MAPK10: variants seen among roughly 807,000 people sequenced by gnomAD.
MAPK10 encodes mitogen-activated protein kinase 10.
MAPK10 carries 25 observed loss-of-function variants against 59.3 expected under a neutral mutation model. The ratio of observed to expected loss-of-function variants is 0.42; its 90% CI spans 0.31 to 0.59. The LOEUF is 0.59. Ranked by LOEUF, MAPK10 falls within the 20% of genes least tolerant of loss-of-function variation. The pLI, the probability that MAPK10 is intolerant of heterozygous loss-of-function variation, is 0.15. For synonymous variants in MAPK10, 190 were observed against 200.5 expected (o/e 0.95, Z 0.44); for missense variants, 351 against 568.9 (o/e 0.62, Z 3.90).
At chr4:86,438,759 G>A (rs1749074454) in intron 1 of MAPK10, among the ~76,000 whole-genome samples, 1 of 151,796 alleles carries the variant, frequency 6.6e-6, no homozygotes, top group Admixed American at 6.6e-5. Context: ...GAGGGGGCCA[G>A]TAAGACTGAG....
At chr4:86,391,876 G>T (rs1261417019) in intron 1 of MAPK10, among the ~76,000 whole-genome samples, 1 of 152,134 alleles carries the variant, frequency 6.6e-6, no homozygotes, top group Non-Finnish European at 1.5e-5. Flanking sequence ...ATTGCTTCAA[G>T]TAAAATTATC....
chr4:86,133,479 A>G (rs986969337), intron 4 of MAPK10, among the ~76,000 whole-genome samples: 5 of 152,238 alleles, frequency 3.3e-5, no homozygotes, highest in African/African-American at 1.2e-4. Context: ...ATGTGCAATC[A>G]TAATACAAAT....
intron 1 of MAPK10, among the ~76,000 whole-genome samples, chr4:86,574,500 G>A (rs934270776): frequency 1.3e-5 from 2 of 151,744 alleles, no homozygotes; most frequent in East Asian, 1.9e-4. Context: ...CACAATGGCT[G>A]AACTAGTTTA....
At position 86,564,579 on chromosome 4, in the gene MAPK10, GCA is replaced by G. The variant is rs563319732; in HGVS notation, c.-263+29329_-263+29330del. ...TTTATTTGCCTATGAATGGAGACATGCACAGACACCACCAAATGAATCCAATT... is the reference window on the plus strand; with the variant it reads ...TTTATTTGCCTATGAATGGAGACATGCAGACACCACCAAATGAATCCAATT... On this transcript the variant is annotated intron_variant, in intron 1 of 4. Coordinates refer to the MAPK10 transcript ENST00000502302. Among the ~76,000 whole-genome samples the G allele has an allele frequency of 1.5e-3, 232 of 152,268 alleles. 4 individuals are homozygous for G. Among genetic ancestry groups the G allele is most frequent in the African/African-American group, 5.2e-3 (215 of 41,550 alleles).
At chr4:86,542,296 T>C (rs137982781) in intron 1 of MAPK10, among the ~76,000 whole-genome samples, 1 of 152,300 alleles carries the variant, frequency 6.6e-6, no homozygotes, top group East Asian at 1.9e-4. Flanking sequence ...CAAAGAATAC[T>C]AGGCCAGGAG....
chr4:86,154,243 T>C (rs1232144071), intron 4 of MAPK10, among the ~76,000 whole-genome samples: 5 of 152,102 alleles, frequency 3.3e-5, no homozygotes, highest in Non-Finnish European at 5.9e-5. Context: ...GATGCTCCCA[T>C]CCATATTCTG....
intron 1 of MAPK10, among the ~76,000 whole-genome samples, chr4:86,555,288 A>C (rs1030517324): frequency 6.6e-6 from 1 of 151,974 alleles, no homozygotes; most frequent in Non-Finnish European, 1.5e-5. Context: ...TCTACTAAAA[A>C]CTCAAAAATT....
intron 1 of MAPK10, among the ~76,000 whole-genome samples, chr4:86,405,627 T>C (rs1331013956): frequency 6.6e-6 from 1 of 152,180 alleles, no homozygotes; most frequent in African/African-American, 2.4e-5. Flanking sequence ...TTTTAACACA[T>C]ATCATATATA....
chr4:86,364,327 C>T (rs904133236), upstream of MAPK10, among the ~76,000 whole-genome samples: 4 of 152,006 alleles, frequency 2.6e-5, no homozygotes, highest in Non-Finnish European at 5.9e-5. Context: ...CAGGGTTTCA[C>T]CATGTTGCCC....
chr4:86,214,865 C>G (rs558839621), intron 2 of MAPK10, among the ~76,000 whole-genome samples: 137 of 152,176 alleles, frequency 9.0e-4, no homozygotes, highest in Admixed American at 2.7e-3. Flanking sequence ...AAACTCAATG[C>G]AATCCTTATC....
chr4:86,314,609 C>T (rs1367925163), intron 2 of MAPK10, among the ~76,000 whole-genome samples: 2 of 152,016 alleles, frequency 1.3e-5, no homozygotes, highest in Non-Finnish European at 2.9e-5. Context: ...GAAAATGGAC[C>T]AACCCGATAG....
chr4:86,290,819 G>A (rs2095200060), intron 2 of MAPK10, among the ~76,000 whole-genome samples: 1 of 152,026 alleles, frequency 6.6e-6, no homozygotes, highest in Non-Finnish European at 1.5e-5. Context: ...CTTACCTCTG[G>A]CCATAGACTT....
intron 1 of MAPK10, among the ~76,000 whole-genome samples, chr4:86,588,322 T>A (rs1171031562): frequency 1.3e-5 from 2 of 152,218 alleles, no homozygotes; most frequent in African/African-American, 4.8e-5. Context: ...CAATAAATGA[T>A]GTGGATCTTT....
intron 1 of MAPK10, among the ~76,000 whole-genome samples, chr4:86,438,059 G>C (rs1026188098): frequency 2.0e-5 from 3 of 152,120 alleles, no homozygotes; most frequent in African/African-American, 7.2e-5. Context: ...TATAATGCTA[G>C]GAATTCAGGG....
intron 6 of MAPK10, 176 bp downstream of exon 6, chr4:86,103,010 C>A: frequency 2.0e-6 from 1 of 511,110 alleles, no homozygotes; most frequent in Non-Finnish European, 3.5e-6. Context: ...CTTTACATAT[C>A]ACTGGACCCC....
At chr4:86,309,371 C>T (rs1422109843) in intron 2 of MAPK10, among the ~76,000 whole-genome samples, 2 of 152,132 alleles carry the variant, frequency 1.3e-5, no homozygotes, top group African/African-American at 2.4e-5. Context: ...ATCTTCTTGA[C>T]CTCTCTGTGC....
At position 86,098,372 on chromosome 4, in the gene MAPK10, G is replaced by A. The variant is rs981557915; in HGVS notation, c.802+152C>T. ...ATTGTGGTAGGCAGTCTTCAGTACT[G>A]GTCAGATTATAGAAATTATCACTTT... On this transcript the variant is annotated intron_variant, in intron 9 of 13. Coordinates refer to ENST00000641462, the MANE Select transcript of MAPK10 (RefSeq NM_138982.4). 1.5e-5 allele frequency: 17 copies of A among 1,151,130 alleles called. No homozygotes were observed. In the African/African-American group the frequency reaches 2.5e-4, roughly 17 times the overall value. 71.3% of individuals were successfully genotyped at this position (1,151,130 alleles called of 1,614,324 possible).
At chr4:86,203,946 T>C (rs2083227701) in intron 2 of MAPK10, among the ~76,000 whole-genome samples, 1 of 151,860 alleles carries the variant, frequency 6.6e-6, no homozygotes, top group African/African-American at 2.4e-5. Context: ...TGCTATCACT[T>C]AGAGCACGAG....
chr4:86,251,765 T>G (rs1011674701), intron 2 of MAPK10, among the ~76,000 whole-genome samples: 5 of 135,442 alleles, frequency 3.7e-5, no homozygotes, highest in Admixed American at 1.4e-4. Context: ...ACTTCCACAA[T>G]GGTTGAACTA....
Sources: allele counts gnomAD v4.1 joint callset (sites outside exome capture counted in the v4.1 genomes callset), GRCh38; gene constraint gnomAD v4.1.1; transcripts MANE v1.5; gene names NCBI Gene and HGNC (gene_info 2026-07-23, HGNC 2026-07-21).